LCN12: variants seen among roughly 807,000 people sequenced by gnomAD.
LCN12 encodes lipocalin 12, also known as epididymal-specific lipocalin-12.
Under a neutral mutation model 23.7 loss-of-function variants are expected in LCN12, and 15 were observed. The ratio of observed to expected loss-of-function variants is 0.63; its 90% confidence interval spans 0.42 to 0.97. The LOEUF (loss-of-function observed/expected upper bound fraction) is 0.97, where lower values mean the gene tolerates loss of function less well. LCN12 is among the 50% of genes least tolerant of loss of function. The pLI is 0.00. For missense variants in LCN12, 219 were observed against 249.6 expected, an observed-to-expected ratio of 0.88 and a Z score of 0.83; for synonymous variants, 116 against 111.5, an observed-to-expected ratio of 1.04 and a Z score of -0.25.
At chr9:136,949,565 C>G (rs1034660012), upstream of LCN12, 1 of 152,386 alleles carries the variant, frequency 6.6e-6, no homozygotes, top group Non-Finnish European at 1.5e-5. Flanking sequence ...CGCCCAGGAC[C>G]GTGTCTGGGA....
upstream of LCN12, among the ~76,000 whole-genome samples, chr9:136,950,251 T>C (rs1446511295): frequency 6.6e-6 from 1 of 152,156 alleles, no homozygotes; most frequent in African/African-American, 2.4e-5. Context: ...GGGAGGCTCC[T>C]GCAGGGGACG....
Position 136,952,850 on chromosome 9 carries a change from A to ACCCCTGCCCACCGCCG in LCN12, c.115-29_115-14dup, listed in dbSNP as rs760701761. 1.6e-4 allele frequency: 247 copies of ACCCCTGCCCACCGCCG among 1,590,244 alleles called. No individual in the cohort carries two copies. In the African/African-American group the frequency reaches 3.1e-3, roughly 20 times the overall value. On this transcript the variant is annotated intron_variant, in intron 1 of 5. Coordinates refer to ENST00000371633, the MANE Select transcript of LCN12 (RefSeq NM_178536.4). ...GGGGCTCCTGACCCTGCCCACTGCCACCCCTGCCCACCGCCGCCCCTGCCC... is the reference window on the plus strand; with the variant it reads ...GGGGCTCCTGACCCTGCCCACTGCCACCCCTGCCCACCGCCGCCCCTGCCCACCGCCGCCCCTGCCC...
In LCN12 at chr9:136,953,773, G is replaced by C. The variant is rs772072322; in HGVS notation, c.325G>C (p.Gly109Arg). 1.2e-6 allele frequency: 2 copies of C among 1,605,980 alleles called. No individual in the cohort carries two copies. The highest frequency in any genetic ancestry group is 2.7e-5 in the African/African-American group (2 of 74,872). ...AQPGQFTVDHGVEPGADREET... is the reference protein window; with the variant it reads ...AQPGQFTVDHRVEPGADREET... Reference sequence around the variant, plus strand: ...GCCTGGGCAGTTCACTGTGGACCACGGTGTGGGTAAGCCAGTCACAGGAGG... The same window carrying C: ...GCCTGGGCAGTTCACTGTGGACCACCGTGTGGGTAAGCCAGTCACAGGAGG... The change falls in exon 3 of 6, where the codon GGT becomes CGT. Residue 109 changes from glycine (G) to arginine (R), a missense_variant. Physicochemically the swap from Gly to Arg is moderately radical, Grantham distance 125. Coordinates refer to ENST00000371633, the MANE Select transcript of LCN12 (RefSeq NM_178536.4).
upstream of LCN12, among the ~76,000 whole-genome samples, chr9:136,950,189 G>T (rs923010534): frequency 1.3e-5 from 2 of 152,330 alleles, no homozygotes; most frequent in South Asian, 2.1e-4. Context: ...AGCAGCACCT[G>T]CGTCTGCCCC....
At chr9:136,953,198 C>G in intron 2 of LCN12, 170 bp downstream of exon 2, 2 of 849,670 alleles carry the variant, frequency 2.4e-6, no homozygotes. Flanking sequence ...GTGTGGGCAG[C>G]TGGGCGCGCT....
At chr9:136,950,586 G>C (rs1401662968), upstream of LCN12, among the ~76,000 whole-genome samples, 2 of 152,250 alleles carry the variant, frequency 1.3e-5, no homozygotes, top group African/African-American at 4.8e-5. Flanking sequence ...ACGGGCTCCG[G>C]GAGGGGTGCC....
At chr9:136,950,430 G>A (rs1851126062), upstream of LCN12, among the ~76,000 whole-genome samples, 2 of 152,170 alleles carry the variant, frequency 1.3e-5, no homozygotes, top group Non-Finnish European at 2.9e-5. Flanking sequence ...GACCTCTGCT[G>A]CTCAGTCTCT....
At chr9:136,950,091 G>C (rs1243980579), upstream of LCN12, among the ~76,000 whole-genome samples, 2 of 152,024 alleles carry the variant, frequency 1.3e-5, no homozygotes, top group East Asian at 1.9e-4. Context: ...CAGCGCCGCC[G>C]GCCCAGCCAG....
intron 4 of LCN12, 65 bp downstream of exon 4, chr9:136,954,029 G>A: frequency 6.3e-7 from 1 of 1,577,328 alleles, no homozygotes; most frequent in Non-Finnish European, 8.6e-7. Context: ...CAGGCTTTGG[G>A]TCAGACCCTG....
At chr9:136,949,349 C>T (rs566750634), upstream of LCN12, among the ~76,000 whole-genome samples, 1 of 152,252 alleles carries the variant, frequency 6.6e-6, no homozygotes, top group East Asian at 1.9e-4. Context: ...CTTGCCTGGA[C>T]GTGAGAGTGC....
At chr9:136,955,750 C>A (rs903694431), downstream of LCN12, among the ~76,000 whole-genome samples, 2 of 152,250 alleles carry the variant, frequency 1.3e-5, no homozygotes, top group Non-Finnish European at 2.9e-5. Flanking sequence ...GCCCCTTGGG[C>A]CCTTGGCTGT....
chr9:136,951,083 C>T (rs561720804), upstream of LCN12, among the ~76,000 whole-genome samples: 30 of 138,444 alleles, frequency 2.2e-4, 1 homozygote, highest in South Asian at 7.1e-3. Context: ...CCTGGCTCAC[C>T]CTTGGTGACC....
chr9:136,952,395 C>G lies in LCN12; in HGVS notation c.68C>G (p.Thr23Ser). Residue 23 changes from threonine to serine, a missense_variant, in exon 1 of 6, where the codon ACC (threonine) becomes AGC (serine). By Grantham distance (58) the Thr-to-Ser change is moderately conservative. Transcript: ENST00000371633. ...LLKVLQAQTP[T>S]PLPLPPPMQS... is the part of the protein sequence containing the mutation. ...AAAGTCCTGCAGGCCCAGACCCCAA[C>G]CCCCCTGCCACTCCCGCCCCCGATG... 2 of 1,612,442 alleles carry G rather than the reference C, an allele frequency of 1.2e-6. No homozygotes were observed. Among genetic ancestry groups the G allele is most frequent in the Non-Finnish European group, 1.7e-6 (2 of 1,179,158 alleles).
At chr9:136,955,592 G>A (rs373687265), downstream of LCN12, 34 of 550,858 alleles carry the variant, frequency 6.2e-5, no homozygotes, top group African/African-American at 6.3e-4. Flanking sequence ...TCCTTCTCTG[G>A]GCACACTATG....
rs946704496 is a variant in LCN12 at position 136,954,824 on chromosome 9, G to C, written c.551-547G>C. 4 of 1,280,960 alleles carry C rather than the reference G, an allele frequency of 3.1e-6. No individual in the cohort carries two copies. The East Asian group carries it at 1.7e-4, about 53-fold the overall frequency. 79.3% of individuals were successfully genotyped at this position (1,280,960 alleles called of 1,614,324 possible). On this transcript the variant is annotated intron_variant, in intron 5 of 5. Transcript: ENST00000371633. Reference sequence around the variant, plus strand: ...GGCCTGACTCTTCTTGTGGGAGGGCGAGGTCAGCCTGAGTCCCTCCTCTTC... The same window carrying C: ...GGCCTGACTCTTCTTGTGGGAGGGCCAGGTCAGCCTGAGTCCCTCCTCTTC...
intron 5 of LCN12, 93 bp from the exon 6 acceptor site, chr9:136,955,278 C>G: frequency 6.5e-7 from 1 of 1,541,978 alleles, no homozygotes; most frequent in South Asian, 1.2e-5. Flanking sequence ...CCTGAAGCCA[C>G]CTGCCCCTCC....
At chr9:136,949,272 T>C (rs1384603217), upstream of LCN12, among the ~76,000 whole-genome samples, 3 of 152,218 alleles carry the variant, frequency 2.0e-5, no homozygotes, top group Non-Finnish European at 4.4e-5. Flanking sequence ...AACTAACATT[T>C]AATTGTTAGC....
Position 136,953,857 on chromosome 9 carries a change from C to G in LCN12, c.341C>G (p.Ala114Gly), listed in dbSNP as rs201007445. The change falls in exon 4 of 6, where the codon GCG (alanine) becomes GGG (glycine). Residue 114 changes from alanine (A) to glycine (G), a missense_variant. Physicochemically the swap from Ala to Gly is moderately conservative, Grantham distance 60 (BLOSUM62 0). Transcript: ENST00000371633. ...FTVDHGVEPG[A>G]DREETRVVDS... ...GTCTGTGCCGCCTCAGAGCCCGGGG[C>G]GGACAGAGAGGAGACCCGGGTGGTG... 7 of 1,600,626 alleles carry G rather than the reference C, an allele frequency of 4.4e-6. No individual in the cohort carries two copies. The highest frequency in any genetic ancestry group is 6.0e-6 in the Non-Finnish European group (7 of 1,174,100).
chr9:136,952,326 G>T lies in LCN12; in HGVS notation c.-2G>T. The T allele has an allele frequency of 1.2e-6, 2 of 1,604,902 alleles. No homozygotes were observed. The highest frequency in any genetic ancestry group is 1.7e-4 in the Middle Eastern group (1 of 6,040). ...GTCCCTGTGGGCCCAGCAGCTGCCA[G>T]GATGAGGCTGCTGTGTGGCCTGTGG... is the stretch of plus-strand genomic sequence containing the variant. On this transcript the variant is annotated 5_prime_UTR_variant, in exon 1 of 6. It adds an upstream start codon to the 5' untranslated region. Transcript: ENST00000371633.
Sources: allele counts gnomAD v4.1 joint callset (sites outside exome capture counted in the v4.1 genomes callset), GRCh38; gene constraint gnomAD v4.1.1; transcripts MANE v1.5; gene names NCBI Gene and HGNC (gene_info 2026-07-23, HGNC 2026-07-21).